The following SPMIP2 variants were observed in gnomAD, a reference collection of about 807,000 sequenced individuals.
SPMIP2 encodes the protein protein SPMIP2.
At chr4:159,006,108 G>C in the SPMIP2 span, among the ~76,000 whole-genome samples, 1 of 152,192 alleles carries the variant, frequency 6.6e-6, no homozygotes, top group African/African-American at 2.4e-5. Context: ...GTTCAATTAT[G>C]TATGTGGCTC....
chr4:159,058,444 T>C, the SPMIP2 span, among the ~76,000 whole-genome samples: 1 of 152,306 alleles, frequency 6.6e-6, no homozygotes, highest in Non-Finnish European at 1.5e-5. Context: ...CAGAAGTATT[T>C]GACATTGAAT....
the SPMIP2 span, among the ~76,000 whole-genome samples, chr4:158,909,079 T>G: frequency 2.0e-5 from 3 of 152,242 alleles, no homozygotes; most frequent in African/African-American, 7.2e-5. Context: ...AATTACAGTA[T>G]AATAGGGCAT....
At chr4:158,899,138 G>C in the SPMIP2 span, among the ~76,000 whole-genome samples, 1 of 152,174 alleles carries the variant, frequency 6.6e-6, no homozygotes, top group Non-Finnish European at 1.5e-5. Context: ...TTGTTTATGC[G>C]ATGGATTACC....
At chr4:158,935,588 G>A in the SPMIP2 span, among the ~76,000 whole-genome samples, 2 of 152,342 alleles carry the variant, frequency 1.3e-5, no homozygotes, top group East Asian at 1.9e-4. Context: ...TGTCTCTGGT[G>A]ACGGAAATTG....
At chr4:158,938,655 G>T in the SPMIP2 span, among the ~76,000 whole-genome samples, 1 of 152,188 alleles carries the variant, frequency 6.6e-6, no homozygotes, top group African/African-American at 2.4e-5. Context: ...GCCCTTATGG[G>T]CTCCAGCTGG....
the SPMIP2 span, chr4:159,007,688 GCA>G: frequency 1.4e-6 from 1 of 713,754 alleles, no homozygotes; most frequent in East Asian, 4.2e-5. Context: ...GGGTCTTGGT[GCA>G]CCAGCGAGAT....
chr4:158,980,590 T>C, the SPMIP2 span, among the ~76,000 whole-genome samples: 3 of 152,114 alleles, frequency 2.0e-5, no homozygotes, highest in Non-Finnish European at 4.4e-5. Flanking sequence ...TCCAACAAAT[T>C]AGCAGACCCG....
chr4:159,016,334 A>G, the SPMIP2 span, among the ~76,000 whole-genome samples: 1 of 152,226 alleles, frequency 6.6e-6, no homozygotes, highest in Non-Finnish European at 1.5e-5. Context: ...ATAGATGAAG[A>G]AATTAAAGCT....
At chr4:158,957,266 T>C in the SPMIP2 span, among the ~76,000 whole-genome samples, 1 of 152,204 alleles carries the variant, frequency 6.6e-6, no homozygotes, top group African/African-American at 2.4e-5. Flanking sequence ...CCAAATTCTC[T>C]AACCCAGGTC....
chr4:158,989,387 T>G, the SPMIP2 span, among the ~76,000 whole-genome samples: 1 of 152,082 alleles, frequency 6.6e-6, no homozygotes, highest in Non-Finnish European at 1.5e-5. Flanking sequence ...CTACTTTAAA[T>G]TTCATATGAA....
the SPMIP2 span, among the ~76,000 whole-genome samples, chr4:158,912,557 G>A: frequency 5.9e-5 from 9 of 152,220 alleles, no homozygotes; most frequent in Non-Finnish European, 8.8e-5. Flanking sequence ...GAATAGTAAT[G>A]ATAGCCACTC....
the SPMIP2 span, among the ~76,000 whole-genome samples, chr4:158,932,973 G>T: frequency 4.3e-4 from 66 of 152,228 alleles, no homozygotes; most frequent in Middle Eastern, 3.4e-3. Flanking sequence ...GCAAGCATTT[G>T]GTTTATTCCC....
the SPMIP2 span, chr4:158,960,389 A>AGGT: frequency 1.7e-6 from 2 of 1,173,176 alleles, no homozygotes; most frequent in Non-Finnish European, 2.5e-6. Flanking sequence ...CAAAGTAAAG[A>AGGT]GGTGGCCGGT....
chr4:158,913,001 A>G, the SPMIP2 span, among the ~76,000 whole-genome samples: 2 of 152,114 alleles, frequency 1.3e-5, no homozygotes, highest in Non-Finnish European at 2.9e-5. Context: ...ACCTGAACCC[A>G]CTCGTGAGGA....
the SPMIP2 span, among the ~76,000 whole-genome samples, chr4:159,006,863 A>G: frequency 6.6e-6 from 1 of 152,282 alleles, no homozygotes; most frequent in South Asian, 2.1e-4. Flanking sequence ...GATAATGTTC[A>G]CCCACCACAA....
the SPMIP2 span, among the ~76,000 whole-genome samples, chr4:159,045,812 G>A: frequency 1.3e-5 from 2 of 152,240 alleles, no homozygotes; most frequent in Non-Finnish European, 2.9e-5. Flanking sequence ...TTGCAGGCAA[G>A]CCGTCAGTTG....
chr4:159,020,848 G>A, the SPMIP2 span, among the ~76,000 whole-genome samples: 7 of 152,076 alleles, frequency 4.6e-5, no homozygotes, highest in Admixed American at 2.6e-4. Flanking sequence ...TGCAAGCTCC[G>A]CCTCCCGGGT....
At chr4:158,901,450 C>G in the SPMIP2 span, among the ~76,000 whole-genome samples, 1 of 152,102 alleles carries the variant, frequency 6.6e-6, no homozygotes, top group African/African-American at 2.4e-5. Context: ...CTCCGTGAAT[C>G]TGACCATTAT....
At chr4:159,008,533 C>A in the SPMIP2 span, among the ~76,000 whole-genome samples, 4 of 151,358 alleles carry the variant, frequency 2.6e-5, no homozygotes, top group African/African-American at 9.7e-5. Context: ...CGTGCCACTG[C>A]ACTCCAGCCT....
Sources: gnomAD v4.1 joint callset for allele counts (sites outside exome capture counted in the v4.1 genomes callset) on GRCh38, gnomAD v4.1.1 for gene constraint, MANE v1.5 for transcripts, NCBI Gene and HGNC (gene_info 2026-07-23, HGNC 2026-07-21) for gene names.